NTM: variants seen among roughly 807,000 people sequenced by gnomAD.
NTM encodes the protein IgLON family member 2.
NTM carries 13 observed loss-of-function variants against 42.1 expected under a neutral mutation model. That is an observed-to-expected ratio of 0.31 (90% CI 0.20 to 0.49). The LOEUF (loss-of-function observed/expected upper bound fraction) is 0.49, where lower values mean the gene tolerates loss of function less well. Ranked by LOEUF, NTM falls within the 20% of genes least tolerant of loss-of-function variation. NTM has a pLI of 0.99. For missense variants in NTM, 373 were observed against 452.8 expected (o/e 0.82, Z 1.60); for synonymous variants, 187 against 179.2 (o/e 1.04, Z -0.35).
chr11:131,390,522 G>T (rs1591536513), intron 1 of NTM, among the ~76,000 whole-genome samples: 1 of 152,152 alleles, frequency 6.6e-6, no homozygotes, highest in Non-Finnish European at 1.5e-5. Context: ...TGTAAAATTT[G>T]GGAGGAATTA....
chr11:131,789,645 G>GAAGAAGAAGA, intron 1 of NTM, among the ~76,000 whole-genome samples: 10 of 128,300 alleles, frequency 7.8e-5, no homozygotes, highest in African/African-American at 2.9e-4. Context: ...AAAAGAAGAA[G>GAAGAAGAAGA]AAGAAGAAGA....
chr11:131,732,487 C>A (rs887548939), intron 1 of NTM, among the ~76,000 whole-genome samples: 1 of 152,136 alleles, frequency 6.6e-6, no homozygotes, highest in Admixed American at 6.5e-5. Flanking sequence ...ATTGGTCATG[C>A]CGAATTGGAC....
intron 1 of NTM, among the ~76,000 whole-genome samples, chr11:131,796,954 TA>T (rs553576682): frequency 5.1e-4 from 77 of 152,362 alleles, no homozygotes; most frequent in South Asian, 4.8e-3. Flanking sequence ...AATATTTAGC[TA>T]ATGATGAAAT....
chr11:132,146,650 T>C lies in NTM; in HGVS notation c.400+136T>C. 2.3e-6 allele frequency: 2 copies of C among 868,644 alleles called. No homozygotes were observed. The highest frequency in any genetic ancestry group is 1.7e-6 in the Non-Finnish European group (1 of 597,022). The allele number at this position is 868,644 out of a possible 1,614,324, so 53.8% of individuals were successfully genotyped here. A position where few individuals can be genotyped will look rare whatever the true frequency, so the allele number is the denominator to read the frequency against. On this transcript the variant is annotated intron_variant, in intron 3 of 8. Coordinates refer to ENST00000683400, the MANE Select transcript of NTM (RefSeq NM_001352005.2). This position sits in a 1 kb window ranked among gnomAD's most constrained non-coding sequence, Gnocchi z 4.5. Reference sequence around the variant, plus strand: ...TCTGGGGTCCAGGGCACATTTCTGGTTGTCATTTTGCAGTTAGAAGCTAAA... The same window carrying C: ...TCTGGGGTCCAGGGCACATTTCTGGCTGTCATTTTGCAGTTAGAAGCTAAA...
chr11:132,043,491 G>A (rs2135809053), intron 2 of NTM, among the ~76,000 whole-genome samples: 1 of 152,282 alleles, frequency 6.6e-6, no homozygotes, highest in Middle Eastern at 3.4e-3. Flanking sequence ...TTGAAGTCCA[G>A]GGAGTAGCAA....
At chr11:131,567,281 GT>G (rs1326839207) in intron 1 of NTM, among the ~76,000 whole-genome samples, 1 of 152,246 alleles carries the variant, frequency 6.6e-6, no homozygotes, top group East Asian at 1.9e-4. Flanking sequence ...GAGGTCAGAA[GT>G]TTGAGACCAG....
chr11:132,267,511 C>T (rs918209099), intron 4 of NTM, among the ~76,000 whole-genome samples: 1 of 149,298 alleles, frequency 6.7e-6, no homozygotes, highest in Non-Finnish European at 1.5e-5. Context: ...CATTCAGATA[C>T]CTTTAAAAAA....
chr11:131,729,962 G>C (rs995233653), intron 1 of NTM, among the ~76,000 whole-genome samples: 1 of 152,094 alleles, frequency 6.6e-6, no homozygotes, highest in South Asian at 2.1e-4. Flanking sequence ...ATATATGTAG[G>C]AGTAAAATTG....
chr11:131,950,604 T>C (rs1219659410), intron 2 of NTM, among the ~76,000 whole-genome samples: 1 of 152,174 alleles, frequency 6.6e-6, no homozygotes, highest in Non-Finnish European at 1.5e-5. Context: ...GCTTGGCCAA[T>C]GGATGGTACT....
At chr11:131,598,862 T>TTCC (rs2060180169) in intron 1 of NTM, among the ~76,000 whole-genome samples, 2 of 50,168 alleles carry the variant, frequency 4.0e-5, no homozygotes, top group African/African-American at 1.1e-4. Context: ...CCTTCCTTCC[T>TTCC]TCCTTCCTTC....
intron 1 of NTM, among the ~76,000 whole-genome samples, chr11:131,903,776 C>A (rs2053484727): frequency 6.6e-6 from 1 of 152,128 alleles, no homozygotes; most frequent in Non-Finnish European, 1.5e-5. Context: ...TTCCAGTGAG[C>A]TGGTAAGGGG....
chr11:131,867,988 C>CA (rs2047396528), intron 1 of NTM, among the ~76,000 whole-genome samples: 1 of 152,194 alleles, frequency 6.6e-6, no homozygotes, highest in African/African-American at 2.4e-5. Context: ...GAGGAAACCC[C>CA]AAACACACCC....
chr11:131,614,395 C>T (rs1191592570), intron 1 of NTM, among the ~76,000 whole-genome samples: 3 of 152,236 alleles, frequency 2.0e-5, no homozygotes, highest in African/African-American at 7.2e-5. Flanking sequence ...TTAGCAATTA[C>T]AGCTCTACGA....
intron 1 of NTM, among the ~76,000 whole-genome samples, chr11:131,475,332 C>T (rs1952816330): frequency 6.6e-6 from 1 of 152,008 alleles, no homozygotes; most frequent in Admixed American, 6.6e-5. Flanking sequence ...ATTTTCTTTG[C>T]ATTTTTGTTC....
chr11:131,504,344 A>G (rs973666411), intron 1 of NTM, among the ~76,000 whole-genome samples: 2 of 152,100 alleles, frequency 1.3e-5, no homozygotes, highest in Non-Finnish European at 2.9e-5. Flanking sequence ...GCATGGGGAT[A>G]CCCTCAAATT....
At chr11:131,522,344 G>T (rs1034504667) in intron 1 of NTM, among the ~76,000 whole-genome samples, 2 of 59,352 alleles carry the variant, frequency 3.4e-5, no homozygotes, top group South Asian at 5.8e-4. Context: ...AACAGTATTT[G>T]CAGAACAACA....
Position 131,916,365 on chromosome 11 carries a change from A to G in NTM, c.167+4717A>G, listed in dbSNP as rs116648576. The stretch of plus-strand genomic sequence containing the variant: ...ATTAAGGCAGCAGCTAGTAAAGTGC[A>G]TTCTTTCCTGGGGATCACTTGGCAG... On this transcript the variant is annotated intron_variant, in intron 2 of 8. Transcript: ENST00000683400. 4.1e-3 allele frequency among the ~76,000 whole-genome samples: 632 copies of G among 152,334 alleles called. 10 individuals carry two copies. Among genetic ancestry groups the G allele is most frequent in the African/African-American group, 0.014 (602 of 41,572 alleles).
intron 1 of NTM, among the ~76,000 whole-genome samples, chr11:131,567,992 A>C (rs2057063321): frequency 1.3e-5 from 2 of 152,256 alleles, no homozygotes; most frequent in South Asian, 4.1e-4. Flanking sequence ...TATTATTACT[A>C]CTAGAGCATA....
At chr11:131,568,154 T>G (rs1487039246) in intron 1 of NTM, among the ~76,000 whole-genome samples, 1 of 152,222 alleles carries the variant, frequency 6.6e-6, no homozygotes, top group Non-Finnish European at 1.5e-5. Flanking sequence ...TAAATCATTA[T>G]TAATTATTCA....
Sources: gnomAD v4.1 joint callset for allele counts (sites outside exome capture counted in the v4.1 genomes callset) on GRCh38, gnomAD v4.1.1 for gene constraint, Gnocchi (gnomAD v3.1) non-coding constraint, MANE v1.5 for transcripts, NCBI Gene and HGNC (gene_info 2026-07-23, HGNC 2026-07-21) for gene names.